Variants in AFF1 observed in about 807,000 individuals in gnomAD.
AFF1 encodes AF4/FMR2 family member 1.
AFF1 carries 48 observed loss-of-function variants against 121.7 expected under a neutral mutation model. That is an observed-to-expected ratio of 0.39 (90% CI 0.31 to 0.50). The LOEUF (loss-of-function observed/expected upper bound fraction) is 0.50. Among genes scored for constraint, AFF1 ranks in the 20% least tolerant of loss-of-function variants. The pLI, the probability that AFF1 is intolerant of heterozygous loss-of-function variation, is 0.76. For synonymous variants in AFF1, 613 were observed against 563.0 expected (o/e 1.09, Z -1.26); for missense variants, 1,523 against 1,511.7 (o/e 1.01, Z -0.12).
intron 2 of AFF1, among the ~76,000 whole-genome samples, chr4:87,005,785 C>A (rs1179835525): frequency 6.6e-6 from 1 of 152,006 alleles, no homozygotes; most frequent in Non-Finnish European, 1.5e-5. Context: ...GCTTCATTAA[C>A]GACAATCATA....
intron 4 of AFF1, among the ~76,000 whole-genome samples, chr4:87,058,145 C>A (rs1578162280): frequency 6.6e-6 from 1 of 152,144 alleles, no homozygotes; most frequent in African/African-American, 2.4e-5. Context: ...ATTTTACATG[C>A]CGTGGAACTG....
In AFF1 at chr4:87,064,437, A is replaced by G. The variant is rs955406645; in HGVS notation, c.1059+16843A>G. On this transcript the variant is annotated intron_variant, in intron 4 of 20. Coordinates refer to ENST00000395146, the MANE Select transcript of AFF1 (RefSeq NM_001166693.3). ...GTTCACATAGTATTGATGAGTATAT[A>G]AACTTCTTTAAAATAGTATGGAGGC... is the stretch of plus-strand genomic sequence containing the variant. Among the ~76,000 whole-genome samples, 5 of 152,228 alleles carry G rather than the reference A, an allele frequency of 3.3e-5. No individual in the cohort carries two copies. In the East Asian group the frequency reaches 9.6e-4, roughly 29 times the overall value.
At chr4:86,985,670 C>G (rs1385566432) in intron 2 of AFF1, among the ~76,000 whole-genome samples, 1 of 151,856 alleles carries the variant, frequency 6.6e-6, no homozygotes, top group Non-Finnish European at 1.5e-5. Flanking sequence ...GAGCAAAACT[C>G]CATCTTAGTA....
chr4:87,054,134 A>G (rs1731524504), intron 4 of AFF1, among the ~76,000 whole-genome samples: 1 of 152,272 alleles, frequency 6.6e-6, no homozygotes, highest in East Asian at 1.9e-4. Context: ...GCAGCACATC[A>G]GAATCACCTG....
At chr4:87,031,051 C>A (rs904802821) in intron 2 of AFF1, among the ~76,000 whole-genome samples, 8 of 152,112 alleles carry the variant, frequency 5.3e-5, no homozygotes, top group Admixed American at 1.3e-4. Context: ...AGCCCACAGG[C>A]CGTTGTCTGG....
chr4:86,948,320 A>G (rs1018758011), intron 1 of AFF1, among the ~76,000 whole-genome samples, 178 bp from the exon 2 acceptor site: 2 of 152,090 alleles, frequency 1.3e-5, no homozygotes, highest in South Asian at 2.1e-4. Flanking sequence ...TAAAAGTGCA[A>G]TTGGCCTTTG....
At chr4:87,104,200 G>A (rs1725693139) in intron 8 of AFF1, among the ~76,000 whole-genome samples, 1 of 152,138 alleles carries the variant, frequency 6.6e-6, no homozygotes, top group Admixed American at 6.5e-5. Context: ...TGAACCCGGA[G>A]CTCTAGACCA....
intron 2 of AFF1, among the ~76,000 whole-genome samples, chr4:86,982,838 ACT>A (rs1378838654): frequency 1.7e-5 from 2 of 117,742 alleles, no homozygotes; most frequent in African/African-American, 3.4e-5. Flanking sequence ...ACAGAGTAAG[ACT>A]CTGTCTCCAA....
Position 87,131,917 on chromosome 4 carries a change from A to G in AFF1, c.3173+53A>G, listed in dbSNP as rs1163993601. The G allele has an allele frequency of 8.6e-6, 12 of 1,395,252 alleles. No individual in the cohort carries two copies. In the East Asian group the frequency reaches 2.5e-4, roughly 29 times the overall value. The allele number at this position is 1,395,252 out of a possible 1,614,324, so 86.4% of individuals were successfully genotyped here. The stretch of plus-strand genomic sequence containing the variant: ...ACTAAATTTGTTTTTGCATCTGTTG[A>G]TGTTACAAAAAGATTCTGAAATTTG... On this transcript the variant is annotated intron_variant, in intron 18 of 20. Coordinates refer to ENST00000395146, the MANE Select transcript of AFF1 (RefSeq NM_001166693.3).
intron 2 of AFF1, among the ~76,000 whole-genome samples, chr4:87,037,501 T>C (rs1476587435): frequency 6.6e-6 from 1 of 152,026 alleles, no homozygotes; most frequent in Non-Finnish European, 1.5e-5. Flanking sequence ...TTAGTGGAGA[T>C]GGGGTTTCAC....
intron 2 of AFF1, among the ~76,000 whole-genome samples, chr4:86,992,704 C>T (rs770290446): frequency 3.3e-5 from 5 of 152,128 alleles, no homozygotes; most frequent in Admixed American, 2.0e-4. Context: ...TTTCTGAGAA[C>T]GTAGGAAATA....
Position 87,073,330 on chromosome 4 carries a change from T to C in AFF1, c.1060-10790T>C, listed in dbSNP as rs80055609. On this transcript the variant is annotated intron_variant, in intron 4 of 20. Transcript: ENST00000395146. ...AAAAAAAAAAGCGGGGGCGGAGGAT[T>C]TACTTGTTCAGAATTAAGATGTCAA... 5.1e-3 allele frequency among the ~76,000 whole-genome samples: 747 copies of C among 145,260 alleles called. 8 individuals are homozygous for C. Among genetic ancestry groups the C allele is most frequent in the African/African-American group, 0.018 (701 of 38,506 alleles).
chr4:87,129,942 A>G (rs992176059), intron 16 of AFF1, among the ~76,000 whole-genome samples: 3 of 150,870 alleles, frequency 2.0e-5, no homozygotes, highest in African/African-American at 7.3e-5. Flanking sequence ...TATTCCACTT[A>G]CATCTTTACT....
intron 4 of AFF1, among the ~76,000 whole-genome samples, chr4:87,061,968 T>A (rs903477534): frequency 1.3e-5 from 2 of 152,226 alleles, no homozygotes; most frequent in Non-Finnish European, 2.9e-5. Context: ...TTTAAATGTA[T>A]GATTCAGGCA....
At chr4:87,008,173 G>A (rs1726363237) in intron 2 of AFF1, among the ~76,000 whole-genome samples, 1 of 152,184 alleles carries the variant, frequency 6.6e-6, no homozygotes, top group Non-Finnish European at 1.5e-5. Context: ...TGGTGCTAAG[G>A]GAGACTTAGG....
chr4:87,043,379 G>C (rs1314503328), intron 2 of AFF1, among the ~76,000 whole-genome samples: 1 of 152,212 alleles, frequency 6.6e-6, no homozygotes, highest in African/African-American at 2.4e-5. Context: ...TAGATGCTCA[G>C]AGGATGGTTG....
intron 5 of AFF1, among the ~76,000 whole-genome samples, chr4:87,085,387 C>A (rs1023373065): frequency 6.7e-6 from 1 of 149,644 alleles, no homozygotes. Context: ...GCTTCTAGGT[C>A]AATTTTAATG....
At chr4:87,065,812 T>C (rs1249214846) in intron 4 of AFF1, among the ~76,000 whole-genome samples, 1 of 152,088 alleles carries the variant, frequency 6.6e-6, no homozygotes. Flanking sequence ...TCCCCCCCCT[T>C]TCTCTGTGCA....
intron 2 of AFF1, 102 bp downstream of exon 2, chr4:86,948,673 C>T (rs1286383133): frequency 1.3e-5 from 14 of 1,070,550 alleles, no homozygotes; most frequent in Non-Finnish European, 1.8e-5. Context: ...AACTTAAGAA[C>T]TCACGGGTGC....
Sources: gnomAD v4.1 joint callset for allele counts (sites outside exome capture counted in the v4.1 genomes callset) on GRCh38, gnomAD v4.1.1 for gene constraint, MANE v1.5 for transcripts, NCBI Gene and HGNC (gene_info 2026-07-23, HGNC 2026-07-21) for gene names.